The following PDPK1 variants were observed in gnomAD, a reference collection of about 807,000 sequenced individuals.
PDPK1 encodes the protein 3-phosphoinositide dependent protein kinase 1.
A neutral mutation model predicts 39.8 loss-of-function variants in PDPK1; 7 were observed. That is an observed-to-expected ratio of 0.18 (90% CI 0.10 to 0.33). The LOEUF (loss-of-function observed/expected upper bound fraction) is 0.33, where lower values mean the gene tolerates loss of function less well. Ranked by LOEUF, PDPK1 falls within the 10% of genes least tolerant of loss-of-function variation. The probability of loss-of-function intolerance (pLI) is 1.00; values close to 1 mark genes in which losing one functional copy is unlikely to be tolerated. For missense variants in PDPK1, 182 were observed against 384.7 expected (o/e 0.47, Z 4.41); for synonymous variants, 118 against 159.1 (o/e 0.74, Z 1.95).
Position 2,593,127 on chromosome 16 carries a change from G to C in PDPK1, c.1344-2666G>C. On this transcript the variant is annotated intron_variant, in intron 11 of 13. Coordinates refer to ENST00000342085, the MANE Select transcript of PDPK1 (RefSeq NM_002613.5). This position sits in a 1 kb window ranked among gnomAD's most constrained non-coding sequence, Gnocchi z 4.2. The stretch of plus-strand genomic sequence containing the variant: ...TCCCCAGGCTGCAGGTGCCGAGCGG[G>C]AGCACCACTCCTGCACGCCCGTGCC... The C allele has an allele frequency of 1.1e-5, 5 of 455,076 alleles. No homozygotes were observed. Among genetic ancestry groups the C allele is most frequent in the Non-Finnish European group, 2.2e-5 (5 of 226,924 alleles). The allele number at this position is 455,076 out of a possible 1,614,324, so 28.2% of individuals were successfully genotyped here. A position where few individuals can be genotyped will look rare whatever the true frequency, so the allele number is the denominator to read the frequency against.
In PDPK1 at chr16:2,598,820, T is replaced by A. The variant is rs1171940831; in HGVS notation, c.*1053T>A. The A allele has an allele frequency of 9.9e-5, 23 of 233,186 alleles. No individual in the cohort carries two copies. Among genetic ancestry groups the A allele is most frequent in the Admixed American group, 6.7e-4 (12 of 17,786 alleles). 14.4% of individuals were successfully genotyped at this position (233,186 alleles called of 1,614,324 possible). A position where few individuals can be genotyped will look rare whatever the true frequency, so the allele number is the denominator to read the frequency against. On this transcript the variant is annotated 3_prime_UTR_variant, in exon 14 of 14. Coordinates refer to ENST00000342085, the MANE Select transcript of PDPK1 (RefSeq NM_002613.5). ...GTCTCCTGCAGACCACGCCAGGGAG[T>A]GCAGACACCACCGTCACACACGCCC...
At position 2,599,697 on chromosome 16, in the gene PDPK1, G is replaced by T. The variant is rs1472133787; in HGVS notation, c.*1930G>T. On this transcript the variant is annotated 3_prime_UTR_variant, in exon 14 of 14. Transcript: ENST00000342085. ...TCTCTTAGCCCTTTCAGGAATTTCT[G>T]TTCAGGCTTCCTCCTCCTCATCAGC... 3 of 233,274 alleles carry T rather than the reference G, an allele frequency of 1.3e-5. No individual in the cohort carries two copies. Among genetic ancestry groups the T allele is most frequent in the Non-Finnish European group, 2.5e-5 (3 of 118,126 alleles). 14.5% of individuals were successfully genotyped at this position (233,274 alleles called of 1,614,324 possible). A position where few individuals can be genotyped will look rare whatever the true frequency, so the allele number is the denominator to read the frequency against.
chr16:2,551,753 G>A (rs1283218134), intron 1 of PDPK1, among the ~76,000 whole-genome samples: 6 of 146,530 alleles, frequency 4.1e-5, no homozygotes, highest in African/African-American at 1.5e-4. Flanking sequence ...TGCAACCTCC[G>A]CCTCCTGGGT....
intron 11 of PDPK1, chr16:2,592,978 A>G (rs1370777897): frequency 6.6e-6 from 3 of 456,134 alleles, no homozygotes; most frequent in Non-Finnish European, 1.3e-5. Flanking sequence ...TGTCCCTGGC[A>G]TGGGTGACAC....
Position 2,598,985 on chromosome 16 carries a change from G to A in PDPK1, c.*1218G>A, listed in dbSNP as rs1037097009. 8.6e-6 allele frequency: 2 copies of A among 233,206 alleles called. No homozygotes were observed. The highest frequency in any genetic ancestry group is 2.2e-5 in the African/African-American group (1 of 45,352). The allele number at this position is 233,206 out of a possible 1,614,324, so 14.4% of individuals were successfully genotyped here. A position where few individuals can be genotyped will look rare whatever the true frequency, so the allele number is the denominator to read the frequency against. On this transcript the variant is annotated 3_prime_UTR_variant, in exon 14 of 14. Coordinates refer to ENST00000342085, the MANE Select transcript of PDPK1 (RefSeq NM_002613.5). ...TGCCAGTTGCTGTTGCACAGGAGGC[G>A]AGAACAGCACACTTCAACCCCAGCT... is the stretch of plus-strand genomic sequence containing the variant.
rs1024404704 is a variant in PDPK1, at chr16:2,602,222, C to G, written c.*4455C>G. The G allele has an allele frequency of 2.4e-4, 57 of 234,418 alleles. No individual in the cohort carries two copies. The highest frequency in any genetic ancestry group is 1.1e-3 in the African/African-American group (50 of 45,116). 14.5% of individuals were successfully genotyped at this position (234,418 alleles called of 1,614,324 possible). ...CTCACTGGGTGGGGGTCCCTTCTTA[C>G]GCAGCACACGTGGCAAGTGCCTGAA... On this transcript the variant is annotated 3_prime_UTR_variant, in exon 14 of 14. Coordinates refer to ENST00000342085, the MANE Select transcript of PDPK1 (RefSeq NM_002613.5).
chr16:2,577,742 TG>T (rs1567159968), intron 7 of PDPK1, among the ~76,000 whole-genome samples: 1 of 148,788 alleles, frequency 6.7e-6, no homozygotes, highest in East Asian at 2.0e-4. Context: ...TTTTTGTTTT[TG>T]TTTTTTTGTT....
In PDPK1 at chr16:2,586,738, C is replaced by T. The variant is rs747157063; in HGVS notation, c.1188C>T (p.Ser396=). The T allele has an allele frequency of 8.7e-6, 14 of 1,614,132 alleles. No individual in the cohort carries two copies. Among genetic ancestry groups the T allele is most frequent in the Non-Finnish European group, 1.0e-5 (12 of 1,180,040 alleles). The change falls in exon 11 of 14, where the codon TCC becomes TCT. Residue 396 remains serine (S), a synonymous_variant. Transcript: ENST00000342085. ...TGTCTTCGTCCTCCTCCTCACACTC[C>T]CTGTCAGCCTCCGACACGGGCCTGC... is the stretch of plus-strand genomic sequence containing the variant. ...MQVSSSSSSH[S]LSASDTGLPQ...
intron 1 of PDPK1, among the ~76,000 whole-genome samples, chr16:2,543,723 ATTTGTTT>A (rs1047509253): frequency 8.6e-5 from 13 of 150,700 alleles, no homozygotes; most frequent in Non-Finnish European, 1.6e-4. Flanking sequence ...GTTTTTTGTT[ATTTGTTT>A]TTTGTTTTTG....
At chr16:2,587,784 A>G (rs1470538757) in intron 11 of PDPK1, among the ~76,000 whole-genome samples, 1 of 152,162 alleles carries the variant, frequency 6.6e-6, no homozygotes, top group Admixed American at 6.5e-5. Context: ...TCCTTGTTGT[A>G]TGTTTTGCAA....
chr16:2,588,350 G>A (rs1341446491), intron 11 of PDPK1, among the ~76,000 whole-genome samples: 1 of 152,176 alleles, frequency 6.6e-6, no homozygotes, highest in Non-Finnish European at 1.5e-5. Context: ...GCAAGGAGGC[G>A]TGTGCCTGGC....
Position 2,538,958 on chromosome 16 carries a change from G to A in PDPK1, c.24+822G>A, listed in dbSNP as rs141718114. On this transcript the variant is annotated intron_variant, in intron 1 of 13. Transcript: ENST00000342085. ...GTTTAAAAATTTATGCCTTGTATGC[G>A]ATGTGCAGTGGGTGATGGAAGAACG... is the stretch of plus-strand genomic sequence containing the variant. 42 of 373,912 alleles carry A rather than the reference G, an allele frequency of 1.1e-4. No individual in the cohort carries two copies. The East Asian group carries it at 3.3e-3, about 29-fold the overall frequency. 23.2% of individuals were successfully genotyped at this position (373,912 alleles called of 1,614,324 possible).
chr16:2,538,083 G>A lies in PDPK1; in HGVS notation c.-30G>A, dbSNP rs1042538804. ...GAGGCGCCGAGCCGCGCAGCGCTGC[G>A]GGGGAGGCGCCCGCGCCGACGCGGG... is the stretch of plus-strand genomic sequence containing the variant. On this transcript the variant is annotated 5_prime_UTR_variant, in exon 1 of 14. Transcript: ENST00000342085. The A allele has an allele frequency of 1.9e-6, 2 of 1,040,290 alleles. No homozygotes were observed. Among genetic ancestry groups the A allele is most frequent in the East Asian group, 6.1e-5 (1 of 16,440 alleles). The allele number at this position is 1,040,290 out of a possible 1,614,324, so 64.4% of individuals were successfully genotyped here. A position where few individuals can be genotyped will look rare whatever the true frequency, so the allele number is the denominator to read the frequency against.
chr16:2,540,245 C>A lies in PDPK1; in HGVS notation c.24+2109C>A, dbSNP rs1364819656. 4.6e-5 allele frequency among the ~76,000 whole-genome samples: 7 copies of A among 152,282 alleles called. No homozygotes were observed. In the South Asian group the frequency reaches 6.2e-4, roughly 14 times the overall value. ...TCCCTTGTGTGTCCGCGTGGACAGC[C>A]AACAGGGGGAGCAGTGCGAGCGTGA... is the stretch of plus-strand genomic sequence containing the variant. On this transcript the variant is annotated intron_variant, in intron 1 of 13. Coordinates refer to ENST00000342085, the MANE Select transcript of PDPK1 (RefSeq NM_002613.5).
intron 11 of PDPK1, among the ~76,000 whole-genome samples, chr16:2,591,545 C>T (rs1157897681): frequency 6.6e-6 from 1 of 152,198 alleles, no homozygotes; most frequent in African/African-American, 2.4e-5. Context: ...TATTCTTAGC[C>T]AAAAGGCCAG....
chr16:2,588,071 T>G (rs1163100042), intron 11 of PDPK1, among the ~76,000 whole-genome samples: 1 of 151,988 alleles, frequency 6.6e-6, no homozygotes, highest in African/African-American at 2.4e-5. Context: ...AGGACACATG[T>G]GACTTGAGAG....
chr16:2,595,553 G>A (rs932079683), intron 11 of PDPK1, among the ~76,000 whole-genome samples: 1 of 152,186 alleles, frequency 6.6e-6, no homozygotes, highest in Non-Finnish European at 1.5e-5. Flanking sequence ...GCAGTGAGGG[G>A]GCAACAGGCA....
intron 1 of PDPK1, among the ~76,000 whole-genome samples, chr16:2,547,170 C>T (rs2066365042): frequency 6.7e-6 from 1 of 150,032 alleles, no homozygotes; most frequent in African/African-American, 2.5e-5. Context: ...GGTTAGTGAG[C>T]AGGCTCCCAA....
At chr16:2,596,839 G>T (rs978167488) in intron 12 of PDPK1, among the ~76,000 whole-genome samples, 31 of 152,142 alleles carry the variant, frequency 2.0e-4, no homozygotes, top group African/African-American at 7.2e-4. Context: ...GCTACCGAGA[G>T]CAGGCTTCTG....
Sources: gnomAD v4.1 joint callset for allele counts (sites outside exome capture counted in the v4.1 genomes callset) on GRCh38, gnomAD v4.1.1 for gene constraint, Gnocchi (gnomAD v3.1) non-coding constraint, MANE v1.5 for transcripts, NCBI Gene and HGNC (gene_info 2026-07-23, HGNC 2026-07-21) for gene names.